WWOX: variants seen among roughly 807,000 people sequenced by gnomAD.
WWOX encodes the protein WW domain containing oxidoreductase.
WWOX carries 69 observed loss-of-function variants against 46.2 expected under a neutral mutation model. The observed-to-expected ratio is 1.49, with a 90% confidence interval of 1.23 to 1.82. WWOX has a LOEUF of 1.82. Ranked by LOEUF, WWOX falls within the 40% of genes most tolerant of loss-of-function variation. WWOX has a pLI of 0.00. For missense variants in WWOX, 919 were observed against 542.6 expected, an observed-to-expected ratio of 1.69 and a Z score of -6.89; for synonymous variants, 359 against 202.6, an observed-to-expected ratio of 1.77 and a Z score of -6.56.
chr16:78,763,626 G>C lies in WWOX; in HGVS notation c.1056+330874G>C, dbSNP rs1366411990. On this transcript the variant is annotated intron_variant, in intron 8 of 8. Coordinates refer to ENST00000566780, the MANE Select transcript of WWOX (RefSeq NM_016373.4). ...TGTCATTGAAACAAAATCTGTCCTG[G>C]TCACCACTGTATGCCCAGCACCTAG... Among the ~76,000 whole-genome samples, 3 of 152,110 alleles carry C rather than the reference G, an allele frequency of 2.0e-5. No homozygotes were observed. In the East Asian group the frequency reaches 5.8e-4, roughly 29 times the overall value.
chr16:78,443,157 A>AG lies in WWOX; in HGVS notation c.1056+10407dup, dbSNP rs2083483567. The stretch of plus-strand genomic sequence containing the variant: ...TCTCAAAAAAAAAAAAAAAAAAAAA[A>AG]GGCTGTGTGTGGTGACTCGTGTCTA... On this transcript the variant is annotated intron_variant, in intron 8 of 8. Transcript: ENST00000566780. Among the ~76,000 whole-genome samples, 4 of 140,808 alleles carry AG rather than the reference A, an allele frequency of 2.8e-5. 1 individual carries two copies. In the South Asian group the frequency reaches 9.4e-4, roughly 33 times the overall value. 92.4% of individuals were successfully genotyped at this position (140,808 alleles called of 152,430 possible). A position where few individuals can be genotyped will look rare whatever the true frequency, so the allele number is the denominator to read the frequency against.
At chr16:78,500,840 C>T (rs955186472) in intron 8 of WWOX, among the ~76,000 whole-genome samples, 1 of 152,148 alleles carries the variant, frequency 6.6e-6, no homozygotes, top group African/African-American at 2.4e-5. Flanking sequence ...TACAACAGCG[C>T]CTGTGCTGGG....
At chr16:78,734,026 C>T (rs769470320) in intron 8 of WWOX, among the ~76,000 whole-genome samples, 3 of 151,792 alleles carry the variant, frequency 2.0e-5, no homozygotes, top group Admixed American at 2.0e-4. Context: ...TGCCACTGCA[C>T]TGTAGCCTGG....
intron 8 of WWOX, among the ~76,000 whole-genome samples, chr16:78,540,571 G>A (rs931704861): frequency 7.2e-5 from 11 of 152,024 alleles, no homozygotes; most frequent in Non-Finnish European, 1.0e-4. Context: ...GATATTTCCC[G>A]TGGGTCTCTG....
At chr16:78,737,339 T>C (rs1215355371) in intron 8 of WWOX, among the ~76,000 whole-genome samples, 1 of 151,030 alleles carries the variant, frequency 6.6e-6, no homozygotes, top group Non-Finnish European at 1.5e-5. Flanking sequence ...TTTCATCATG[T>C]TGATCAGGCT....
At chr16:78,695,582 C>G (rs1250805785) in intron 8 of WWOX, among the ~76,000 whole-genome samples, 2 of 152,236 alleles carry the variant, frequency 1.3e-5, no homozygotes, top group East Asian at 3.9e-4. Flanking sequence ...CGGGCTGGAT[C>G]AGAGAGAGCA....
At chr16:78,732,216 A>T (rs747295835) in intron 8 of WWOX, among the ~76,000 whole-genome samples, 2 of 152,126 alleles carry the variant, frequency 1.3e-5, no homozygotes, top group African/African-American at 4.8e-5. Flanking sequence ...AGAATATGGT[A>T]CAGGTGACGC....
intron 8 of WWOX, among the ~76,000 whole-genome samples, chr16:78,971,471 AAAAG>A (rs1180639050): frequency 3.2e-4 from 41 of 129,970 alleles, no homozygotes; most frequent in Non-Finnish European, 5.6e-4. Flanking sequence ...AAAAAAAAAA[AAAAG>A]AGAGAGATAG....
intron 8 of WWOX, among the ~76,000 whole-genome samples, chr16:79,020,017 A>T (rs1228115227): frequency 1.3e-5 from 2 of 152,186 alleles, no homozygotes; most frequent in Non-Finnish European, 2.9e-5. Flanking sequence ...GCTCATCATT[A>T]ACATGCCTTA....
intron 8 of WWOX, among the ~76,000 whole-genome samples, chr16:79,065,941 A>G (rs953196651): frequency 6.6e-6 from 1 of 152,200 alleles, no homozygotes; most frequent in Non-Finnish European, 1.5e-5. Flanking sequence ...TGAATACCTT[A>G]GAAAGTTTCA....
rs1276452239 is a variant in WWOX at position 79,172,410 on chromosome 16, G to A, written c.1057-39198G>A. Reference sequence around the variant, plus strand: ...TGTATCTGAGTCACTTCAATGCCTTGTGTTTCTGCTCTGGGCTGCAAACTC... The same window carrying A: ...TGTATCTGAGTCACTTCAATGCCTTATGTTTCTGCTCTGGGCTGCAAACTC... On this transcript the variant is annotated intron_variant, in intron 8 of 8. Transcript: ENST00000566780. 3.9e-5 allele frequency among the ~76,000 whole-genome samples: 6 copies of A among 152,158 alleles called. No homozygotes were observed. In the East Asian group the frequency reaches 1.2e-3, roughly 29 times the overall value.
At chr16:79,176,654 C>G (rs925149638) in intron 8 of WWOX, among the ~76,000 whole-genome samples, 1 of 152,084 alleles carries the variant, frequency 6.6e-6, no homozygotes, top group Non-Finnish European at 1.5e-5. Context: ...AATCTATGGA[C>G]ATGTCTTTTT....
chr16:78,369,747 C>T (rs1338170658), intron 5 of WWOX, among the ~76,000 whole-genome samples: 1 of 151,948 alleles, frequency 6.6e-6, no homozygotes, highest in East Asian at 1.9e-4. Context: ...TAAAATCCAA[C>T]AAATACGTTG....
chr16:78,794,194 G>C (rs2050680308), intron 8 of WWOX, among the ~76,000 whole-genome samples: 1 of 152,162 alleles, frequency 6.6e-6, no homozygotes, highest in African/African-American at 2.4e-5. Context: ...CACCATGTGA[G>C]AAAACAGCAA....
intron 8 of WWOX, among the ~76,000 whole-genome samples, chr16:78,753,212 A>T (rs1047031166): frequency 6.6e-6 from 1 of 152,098 alleles, no homozygotes; most frequent in Non-Finnish European, 1.5e-5. Context: ...AGACAGGATA[A>T]TGGTGTGAAT....
At chr16:78,810,330 A>G (rs935336630) in intron 8 of WWOX, among the ~76,000 whole-genome samples, 6 of 152,084 alleles carry the variant, frequency 3.9e-5, no homozygotes, top group Admixed American at 1.3e-4. Context: ...CCAATCACCT[A>G]CCCTGCCTCA....
chr16:78,170,761 G>T (rs748525484), intron 5 of WWOX, among the ~76,000 whole-genome samples: 1 of 152,216 alleles, frequency 6.6e-6, no homozygotes, highest in Non-Finnish European at 1.5e-5. Flanking sequence ...ATTTTGGAAA[G>T]ATGATTAAGG....
chr16:78,938,814 G>A (rs1382171705), intron 8 of WWOX, among the ~76,000 whole-genome samples: 3 of 152,150 alleles, frequency 2.0e-5, no homozygotes, highest in African/African-American at 7.2e-5. Flanking sequence ...GGCTGGCGAG[G>A]AGAGCAGTCT....
chr16:79,137,096 T>G (rs991919309), intron 8 of WWOX, among the ~76,000 whole-genome samples: 2 of 152,212 alleles, frequency 1.3e-5, no homozygotes, highest in Non-Finnish European at 1.5e-5. Flanking sequence ...TTCATTAATA[T>G]GAATATTCTC....
Sources: gnomAD v4.1 joint callset for allele counts (sites outside exome capture counted in the v4.1 genomes callset) on GRCh38, gnomAD v4.1.1 for gene constraint, MANE v1.5 for transcripts, NCBI Gene and HGNC (gene_info 2026-07-23, HGNC 2026-07-21) for gene names.